GMDS: variants seen among roughly 807,000 people sequenced by gnomAD.
GMDS encodes the protein GDP-mannose 4,6 dehydratase.
A neutral mutation model predicts 49.9 loss-of-function variants in GMDS; 20 were observed. The ratio of observed to expected loss-of-function variants is 0.40; its 90% CI spans 0.28 to 0.58. The LOEUF (loss-of-function observed/expected upper bound fraction) is 0.58, where lower values mean the gene tolerates loss of function less well. Ranked by LOEUF, GMDS falls within the 20% of genes least tolerant of loss-of-function variation. The pLI is 0.42. For synonymous variants in GMDS, 177 were observed against 178.6 expected (o/e 0.99, Z 0.07); for missense variants, 362 against 481.4 (o/e 0.75, Z 2.32).
At chr6:1,969,114 T>C (rs1483930003) in intron 4 of GMDS, among the ~76,000 whole-genome samples, 1 of 151,434 alleles carries the variant, frequency 6.6e-6, no homozygotes, top group Non-Finnish European at 1.5e-5. Flanking sequence ...ACAAAAAAAT[T>C]AGCTGGGCAT....
rs1778098904 is a variant in GMDS at position 2,173,086 on chromosome 6, A to C, written c.103-48355T>G. On this transcript the variant is annotated intron_variant, in intron 1 of 10. Transcript: ENST00000380815. ...TGACACAAATATTAGAAATTTTTAA[A>C]TACTAGTCTAATTAATGGATTAAAA... 2.0e-5 allele frequency among the ~76,000 whole-genome samples: 3 copies of C among 152,214 alleles called. 1 individual carries two copies. In the South Asian group the frequency reaches 6.2e-4, roughly 31 times the overall value.
At chr6:2,237,647 G>A (rs752160764) in intron 1 of GMDS, among the ~76,000 whole-genome samples, 10 of 149,500 alleles carry the variant, frequency 6.7e-5, no homozygotes, top group South Asian at 2.1e-4. Flanking sequence ...TCAGCCTCCC[G>A]AGTACTTGAG....
intron 9 of GMDS, among the ~76,000 whole-genome samples, chr6:1,690,119 C>T (rs555009870): frequency 2.0e-5 from 3 of 152,122 alleles, no homozygotes; most frequent in South Asian, 4.2e-4. Flanking sequence ...ATAACAATAA[C>T]AAACAAACCA....
chr6:1,796,845 AC>A (rs2113648366), intron 7 of GMDS, among the ~76,000 whole-genome samples: 1 of 152,360 alleles, frequency 6.6e-6, no homozygotes, highest in South Asian at 2.1e-4. Flanking sequence ...GATGTTTGAT[AC>A]GCTCATCAGA....
At chr6:1,936,563 T>C (rs574241821) in intron 6 of GMDS, among the ~76,000 whole-genome samples, 1 of 152,284 alleles carries the variant, frequency 6.6e-6, no homozygotes, top group East Asian at 1.9e-4. Context: ...CACCTGCCCC[T>C]TTTCCAACAC....
chr6:2,066,107 C>T (rs1166267915), intron 4 of GMDS, among the ~76,000 whole-genome samples: 1 of 151,890 alleles, frequency 6.6e-6, no homozygotes, highest in Non-Finnish European at 1.5e-5. Flanking sequence ...AGAGTGGGGG[C>T]CAATATTCAA....
At chr6:2,172,267 A>G (rs1425238768) in intron 1 of GMDS, among the ~76,000 whole-genome samples, 1 of 152,188 alleles carries the variant, frequency 6.6e-6, no homozygotes, top group Non-Finnish European at 1.5e-5. Flanking sequence ...AGAAGATAAA[A>G]ATAAAAGGAG....
chr6:1,933,153 T>C (rs77124410), intron 6 of GMDS, among the ~76,000 whole-genome samples: 16,679 of 152,242 alleles, frequency 0.11, 966 homozygotes, highest in South Asian at 0.18. Flanking sequence ...TTGTTTCTGG[T>C]TTCTTTTAGT....
intron 6 of GMDS, among the ~76,000 whole-genome samples, chr6:1,935,192 A>G (rs1271826969): frequency 2.0e-5 from 3 of 152,178 alleles, no homozygotes; most frequent in Non-Finnish European, 4.4e-5. Context: ...ACCAGCTGTG[A>G]TATCTTACAC....
At chr6:2,153,985 A>G (rs762088056) in intron 1 of GMDS, among the ~76,000 whole-genome samples, 11 of 152,190 alleles carry the variant, frequency 7.2e-5, no homozygotes, top group Non-Finnish European at 1.5e-4. Flanking sequence ...AAATGTGACC[A>G]GAGAGACTTT....
intron 7 of GMDS, among the ~76,000 whole-genome samples, chr6:1,854,524 G>A (rs9392340): frequency 0.011 from 1,607 of 152,302 alleles, 64 homozygotes; most frequent in East Asian, 0.1. Flanking sequence ...GGCAATATCT[G>A]GAGACATCTG....
At chr6:1,683,008 G>A (rs1217298263) in intron 9 of GMDS, among the ~76,000 whole-genome samples, 1 of 152,164 alleles carries the variant, frequency 6.6e-6, no homozygotes, top group Non-Finnish European at 1.5e-5. Flanking sequence ...ATGGAGACGG[G>A]GTAAAACCAC....
chr6:1,982,766 A>G (rs918612596), intron 4 of GMDS, among the ~76,000 whole-genome samples: 3 of 152,250 alleles, frequency 2.0e-5, no homozygotes. Flanking sequence ...GCTCATGGAT[A>G]GGAAGAATCA....
intron 4 of GMDS, among the ~76,000 whole-genome samples, chr6:2,022,173 A>G (rs1387737135): frequency 6.6e-6 from 1 of 152,210 alleles, no homozygotes; most frequent in Non-Finnish European, 1.5e-5. Flanking sequence ...AAGGACAGGG[A>G]ACAGGGTCTA....
intron 1 of GMDS, among the ~76,000 whole-genome samples, chr6:2,193,190 C>T (rs1243506968): frequency 2.0e-5 from 3 of 152,226 alleles, no homozygotes; most frequent in South Asian, 4.1e-4. Context: ...ACAACTTCCT[C>T]AAGTCCTGCT....
At chr6:2,074,203 A>G (rs747005025) in intron 4 of GMDS, among the ~76,000 whole-genome samples, 94 of 152,306 alleles carry the variant, frequency 6.2e-4, no homozygotes, top group Non-Finnish European at 1.1e-3. Context: ...TTTTAATGAT[A>G]ACCATTCTAA....
At chr6:1,928,528 G>GA (rs1762134223) in intron 7 of GMDS, among the ~76,000 whole-genome samples, 2 of 152,172 alleles carry the variant, frequency 1.3e-5, no homozygotes, top group Admixed American at 1.3e-4. Context: ...TTAGACAAAA[G>GA]AAAGTTTTGG....
chr6:2,076,513 C>T (rs1241944767), intron 4 of GMDS, among the ~76,000 whole-genome samples: 2 of 152,186 alleles, frequency 1.3e-5, no homozygotes, highest in Non-Finnish European at 2.9e-5. Flanking sequence ...TCAAACTGTA[C>T]TACAAGGCTA....
intron 9 of GMDS, among the ~76,000 whole-genome samples, chr6:1,658,458 T>A (rs1422872985): frequency 6.6e-6 from 1 of 152,248 alleles, no homozygotes; most frequent in Non-Finnish European, 1.5e-5. Context: ...TGTGTCCAGG[T>A]GAGAGTGCAT....
Sources: gnomAD v4.1 joint callset for allele counts (sites outside exome capture counted in the v4.1 genomes callset) on GRCh38, gnomAD v4.1.1 for gene constraint, MANE v1.5 for transcripts, NCBI Gene and HGNC (gene_info 2026-07-23, HGNC 2026-07-21) for gene names.